The following LRRIQ3 variants were observed in gnomAD, a reference collection of about 807,000 sequenced individuals.
The protein encoded by LRRIQ3 is leucine rich repeats and IQ motif containing 3, also known as leucine-rich repeat and IQ domain-containing protein 3.
Under a neutral mutation model 59.3 loss-of-function variants are expected in LRRIQ3, and 75 were observed. That is an observed-to-expected ratio of 1.26 (90% CI 1.05 to 1.53). The LOEUF is 1.53. LRRIQ3 is among the 40% of genes most tolerant of loss of function. The pLI is 0.00. For missense variants in LRRIQ3, 831 were observed against 710.0 expected (o/e 1.17, Z -1.94); for synonymous variants, 250 against 231.3 (o/e 1.08, Z -0.73).
chr1:74,058,680 AT>A (rs1220980169), intron 6 of LRRIQ3, among the ~76,000 whole-genome samples: 2 of 151,994 alleles, frequency 1.3e-5, no homozygotes, highest in African/African-American at 4.8e-5. Flanking sequence ...ATCAACAACA[AT>A]TTGTTGCATG....
rs1654838097 is a variant in LRRIQ3, at chr1:74,065,396, GT to G, written c.997+9264del. 4.6e-5 allele frequency among the ~76,000 whole-genome samples: 7 copies of G among 152,070 alleles called. No homozygotes were observed. In the South Asian group the frequency reaches 1.2e-3, roughly 27 times the overall value. ...ATTACCCTTCTCTCTAAAAGCTTCT[GT>G]TAGTTATAATCATTTTCAAAGGTGA... On this transcript the variant is annotated intron_variant, in intron 6 of 7. Coordinates refer to ENST00000354431, the MANE Select transcript of LRRIQ3 (RefSeq NM_001105659.2).
At chr1:74,126,910 T>C (rs1049656491) in intron 4 of LRRIQ3, among the ~76,000 whole-genome samples, 3 of 151,930 alleles carry the variant, frequency 2.0e-5, no homozygotes, top group Non-Finnish European at 4.4e-5. Context: ...TTGTTGATTG[T>C]TTTTGTCTGA....
rs1286238681 is a variant in LRRIQ3, at chr1:74,143,960, A to AT, written c.707+11772dup. Among the ~76,000 whole-genome samples the AT allele has an allele frequency of 2.0e-5, 3 of 151,888 alleles. No individual in the cohort carries two copies. In the East Asian group the frequency reaches 5.8e-4, roughly 29 times the overall value. On this transcript the variant is annotated intron_variant, in intron 4 of 7. Coordinates refer to ENST00000354431, the MANE Select transcript of LRRIQ3 (RefSeq NM_001105659.2). ...GATTCATATAAGTTGTGATAATGCTATTTTGAGTATTATAATAATTTATAT... is the reference window on the plus strand; with the variant it reads ...GATTCATATAAGTTGTGATAATGCTATTTTTGAGTATTATAATAATTTATAT...
At chr1:74,176,795 G>A (rs927318324) in intron 3 of LRRIQ3, among the ~76,000 whole-genome samples, 4 of 151,996 alleles carry the variant, frequency 2.6e-5, no homozygotes, top group Non-Finnish European at 5.9e-5. Context: ...AGCAGGGAGG[G>A]GCAGGAATGT....
chr1:74,181,379 C>T (rs1164859938), intron 3 of LRRIQ3: 1 of 151,802 alleles, frequency 6.6e-6, no homozygotes, highest in African/African-American at 2.4e-5. Context: ...GGGACCTACC[C>T]TAATTTTCCT....
At position 74,136,598 on chromosome 1, in the gene LRRIQ3, T is replaced by C. The variant is rs190446244; in HGVS notation, c.707+19135A>G. Among the ~76,000 whole-genome samples, 5 of 152,112 alleles carry C rather than the reference T, an allele frequency of 3.3e-5. No homozygotes were observed. In the East Asian group the frequency reaches 9.7e-4, roughly 29 times the overall value. ...AAATCATCAGGGACTTTGATTTTGTTGTTGGAATTATTCCCTAATGTGAGC... is the reference window on the plus strand; with the variant it reads ...AAATCATCAGGGACTTTGATTTTGTCGTTGGAATTATTCCCTAATGTGAGC... On this transcript the variant is annotated intron_variant, in intron 4 of 7. Coordinates refer to ENST00000354431, the MANE Select transcript of LRRIQ3 (RefSeq NM_001105659.2).
Position 74,103,305 on chromosome 1 carries a change from G to A in LRRIQ3, c.867+6089C>T, listed in dbSNP as rs571101032. Among the ~76,000 whole-genome samples, 4 of 151,956 alleles carry A rather than the reference G, an allele frequency of 2.6e-5. No individual in the cohort carries two copies. The South Asian group carries it at 8.3e-4, about 31-fold the overall frequency. The stretch of plus-strand genomic sequence containing the variant: ...AACTTGATTGATTGCAAGTTTGTAG[G>A]CCTTATGCTTTACTACAGTGCCTGG... On this transcript the variant is annotated intron_variant, in intron 5 of 7. Transcript: ENST00000354431.
At chr1:74,168,778 A>G (rs558079950) in intron 3 of LRRIQ3, among the ~76,000 whole-genome samples, 1 of 152,074 alleles carries the variant, frequency 6.6e-6, no homozygotes, top group Non-Finnish European at 1.5e-5. Flanking sequence ...TAATTAGCAT[A>G]CACAAAAAGC....
chr1:74,126,080 G>T (rs895196409), intron 4 of LRRIQ3, among the ~76,000 whole-genome samples: 28 of 151,744 alleles, frequency 1.8e-4, no homozygotes, highest in African/African-American at 6.8e-4. Flanking sequence ...TTCAATCTTA[G>T]TAAGTTGTAT....
chr1:74,028,930 C>T (rs886729810), intron 7 of LRRIQ3, among the ~76,000 whole-genome samples: 2 of 151,846 alleles, frequency 1.3e-5, no homozygotes, highest in South Asian at 2.1e-4. Context: ...GAATCTTGCA[C>T]ATGTAATTAA....
At chr1:74,163,903 T>C (rs538817043) in intron 3 of LRRIQ3, among the ~76,000 whole-genome samples, 9 of 151,640 alleles carry the variant, frequency 5.9e-5, no homozygotes, top group African/African-American at 2.2e-4. Context: ...CCAGAATTTA[T>C]TGTCACTCTT....
chr1:74,044,224 GC>G (rs1317044838), intron 6 of LRRIQ3, among the ~76,000 whole-genome samples: 6 of 152,060 alleles, frequency 3.9e-5, no homozygotes, highest in African/African-American at 1.4e-4. Flanking sequence ...GGTTTGTGCA[GC>G]AATGTAGTTT....
chr1:74,034,383 G>T (rs903474745), intron 7 of LRRIQ3, among the ~76,000 whole-genome samples: 1 of 151,856 alleles, frequency 6.6e-6, no homozygotes, highest in Admixed American at 6.6e-5. Flanking sequence ...GTGCTCTGCA[G>T]GTTAATACTT....
At chr1:74,129,197 G>A (rs1646976991) in intron 4 of LRRIQ3, among the ~76,000 whole-genome samples, 1 of 151,962 alleles carries the variant, frequency 6.6e-6, no homozygotes, top group Admixed American at 6.6e-5. Context: ...CTTCAGTGTG[G>A]CAAGTTCCCC....
At position 74,073,491 on chromosome 1, in the gene LRRIQ3, A is replaced by G. The variant is rs188586379; in HGVS notation, c.997+1170T>C. 3.7e-3 allele frequency among the ~76,000 whole-genome samples: 554 copies of G among 151,494 alleles called. 1 individual carries two copies. The highest frequency in any genetic ancestry group is 9.5e-3 in the Admixed American group (144 of 15,100). On this transcript the variant is annotated intron_variant, in intron 6 of 7. Coordinates refer to ENST00000354431, the MANE Select transcript of LRRIQ3 (RefSeq NM_001105659.2). ...ACTCCACTGCACTCAAACTTAGGTGACAGAGTGAGACTGTCTTAAAACAAA... is the reference window on the plus strand; with the variant it reads ...ACTCCACTGCACTCAAACTTAGGTGGCAGAGTGAGACTGTCTTAAAACAAA...
chr1:74,133,378 T>C (rs1449713961), intron 4 of LRRIQ3, among the ~76,000 whole-genome samples: 1 of 151,998 alleles, frequency 6.6e-6, no homozygotes, highest in Admixed American at 6.6e-5. Flanking sequence ...ACCCAAAGGA[T>C]TATAAATCAT....
chr1:74,196,245 A>C (rs1651111320), intron 1 of LRRIQ3, among the ~76,000 whole-genome samples: 1 of 152,154 alleles, frequency 6.6e-6, no homozygotes, highest in Non-Finnish European at 1.5e-5. Flanking sequence ...GTATGATAGA[A>C]TCTAACACAT....
chr1:74,091,262 G>A (rs987649840), intron 5 of LRRIQ3, among the ~76,000 whole-genome samples: 5 of 152,222 alleles, frequency 3.3e-5, no homozygotes, highest in African/African-American at 1.2e-4. Flanking sequence ...TTTAAATTGT[G>A]TCATGGTCAA....
At chr1:74,037,941 AC>A (rs1349634672) in intron 7 of LRRIQ3, among the ~76,000 whole-genome samples, 1 of 152,024 alleles carries the variant, frequency 6.6e-6, no homozygotes, top group Non-Finnish European at 1.5e-5. Context: ...TCTGCTTAAG[AC>A]TCCCAGGGGA....
Sources: gnomAD v4.1 joint callset for allele counts (sites outside exome capture counted in the v4.1 genomes callset) on GRCh38, gnomAD v4.1.1 for gene constraint, MANE v1.5 for transcripts, NCBI Gene and HGNC (gene_info 2026-07-23, HGNC 2026-07-21) for gene names.